The following ESR1 variants were observed in gnomAD, a reference collection of about 807,000 sequenced individuals.
ESR1 encodes estrogen receptor 1.
Under a neutral mutation model 52.7 loss-of-function variants are expected in ESR1, and 12 were observed. The ratio of observed to expected loss-of-function variants is 0.23; its 90% CI spans 0.15 to 0.37. ESR1 has a LOEUF of 0.37. Among genes scored for constraint, ESR1 ranks in the 10% least tolerant of loss-of-function variants. ESR1 has a pLI of 1.00. For missense variants in ESR1, 584 were observed against 779.7 expected (o/e 0.75, Z 2.99); for synonymous variants, 305 against 316.8 (o/e 0.96, Z 0.39).
At chr6:152,023,210 T>C (rs1406115748) in intron 5 of ESR1, among the ~76,000 whole-genome samples, 1 of 152,114 alleles carries the variant, frequency 6.6e-6, no homozygotes, top group East Asian at 1.9e-4. Context: ...AAAAAGGAAC[T>C]ATAAACCAGC....
At chr6:151,878,272 A>C (rs906961391) in intron 2 of ESR1, among the ~76,000 whole-genome samples, 5 of 152,176 alleles carry the variant, frequency 3.3e-5, no homozygotes, top group African/African-American at 1.2e-4. Context: ...TGGTTCTATT[A>C]CTTCTTCAGT....
chr6:151,817,780 A>T (rs889978082), intron 1 of ESR1, among the ~76,000 whole-genome samples: 1 of 152,228 alleles, frequency 6.6e-6, no homozygotes, highest in African/African-American at 2.4e-5. Context: ...TAGATAACTG[A>T]AGGTAATTTA....
intron 1 of ESR1, among the ~76,000 whole-genome samples, chr6:151,665,146 GAATT>G (rs1777775497): frequency 6.6e-6 from 1 of 152,158 alleles, no homozygotes; most frequent in Non-Finnish European, 1.5e-5. Context: ...AGGATTGGTA[GAATT>G]AATATTCTTT....
intron 4 of ESR1, among the ~76,000 whole-genome samples, chr6:151,945,700 A>G (rs1432989497): frequency 2.0e-5 from 3 of 152,224 alleles, no homozygotes; most frequent in Non-Finnish European, 2.9e-5. Flanking sequence ...ATTGTTTCCT[A>G]TGAAGCATGA....
chr6:151,707,029 AG>A (rs1474259785), intron 2 of ESR1, among the ~76,000 whole-genome samples: 3 of 152,158 alleles, frequency 2.0e-5, no homozygotes. Flanking sequence ...CCGTGTGTTT[AG>A]GTTAGTGAGC....
intron 2 of ESR1, among the ~76,000 whole-genome samples, chr6:151,774,131 A>G (rs1007949649): frequency 7.2e-5 from 11 of 152,218 alleles, no homozygotes; most frequent in African/African-American, 2.4e-4. Context: ...AGGTTTGGTC[A>G]GTTTTGACTT....
intron 2 of ESR1, among the ~76,000 whole-genome samples, chr6:151,874,879 T>C (rs1195124315): frequency 6.6e-6 from 1 of 152,278 alleles, no homozygotes; most frequent in East Asian, 1.9e-4. Context: ...TTTAGTAAAA[T>C]CTTGGAATAG....
chr6:152,033,447 GA>G (rs1243680075), intron 5 of ESR1, among the ~76,000 whole-genome samples: 1 of 151,820 alleles, frequency 6.6e-6, no homozygotes, highest in African/African-American at 2.4e-5. Flanking sequence ...AAATTTACAA[GA>G]AAAAAACAAA....
At position 152,065,874 on chromosome 6, in the gene ESR1, A is replaced by G. The variant is rs143219189; in HGVS notation, c.1369+4750A>G. 2.6e-5 allele frequency among the ~76,000 whole-genome samples: 4 copies of G among 152,300 alleles called. No homozygotes were observed. In the East Asian group the frequency reaches 5.8e-4, roughly 22 times the overall value. On this transcript the variant is annotated intron_variant, in intron 6 of 7. Coordinates refer to ENST00000206249, the MANE Select transcript of ESR1 (RefSeq NM_000125.4). Reference sequence around the variant, plus strand: ...ATCCTCAGACAACATTTCTCTTTCAATTGGTGGAATAATAAAGAGGAATAT... The same window carrying G: ...ATCCTCAGACAACATTTCTCTTTCAGTTGGTGGAATAATAAAGAGGAATAT...
Position 151,992,087 on chromosome 6 carries a change from G to C in ESR1, c.1097-19569G>C, listed in dbSNP as rs1168198282. ...GTTTTCTGCTCATTCCAACTCAACAGTGAGCTCTTTGAGGGCAGAAATTGT... is the reference window on the plus strand; with the variant it reads ...GTTTTCTGCTCATTCCAACTCAACACTGAGCTCTTTGAGGGCAGAAATTGT... On this transcript the variant is annotated intron_variant, in intron 4 of 7. Transcript: ENST00000206249. 1.3e-5 allele frequency among the ~76,000 whole-genome samples: 2 copies of C among 152,132 alleles called. 1 individual carries two copies. Among genetic ancestry groups the C allele is most frequent in the South Asian group, 4.1e-4 (2 of 4,828 alleles).
chr6:151,961,519 G>A (rs974695735), intron 4 of ESR1, among the ~76,000 whole-genome samples: 2 of 152,154 alleles, frequency 1.3e-5, no homozygotes, highest in African/African-American at 4.8e-5. Flanking sequence ...GAGGGAGATG[G>A]GGAATGGCTA....
intron 2 of ESR1, among the ~76,000 whole-genome samples, chr6:151,879,690 A>G (rs531776924): frequency 2.0e-5 from 3 of 152,328 alleles, no homozygotes; most frequent in African/African-American, 7.2e-5. Flanking sequence ...GCATTCTCAC[A>G]TTCAATTCTT....
chr6:151,931,357 A>G (rs1176091127), intron 3 of ESR1, among the ~76,000 whole-genome samples: 1 of 151,472 alleles, frequency 6.6e-6, no homozygotes, highest in African/African-American at 2.4e-5. Context: ...CATTTCTAGC[A>G]TTTGCTTTTG....
rs568887402 is a variant in ESR1, at chr6:151,991,452, T to A, written c.1097-20204T>A. The stretch of plus-strand genomic sequence containing the variant: ...TAAGTGCTACAAGGAAAAAAAAAAA[T>A]ACATTTTGAGCCCTCAAGGGGCTCC... On this transcript the variant is annotated intron_variant, in intron 4 of 7. Coordinates refer to ENST00000206249, the MANE Select transcript of ESR1 (RefSeq NM_000125.4). 9.4e-4 allele frequency among the ~76,000 whole-genome samples: 142 copies of A among 151,406 alleles called. 2 individuals carry two copies. The highest frequency in any genetic ancestry group is 6.6e-3 in the East Asian group (34 of 5,148).
rs1778127056 is a variant in ESR1 at position 151,807,809 on chromosome 6, T to G, written c.-104T>G. 1 of 1,047,758 alleles carries G rather than the reference T, an allele frequency of 9.5e-7. No individual in the cohort carries two copies. Among genetic ancestry groups the G allele is most frequent in the Non-Finnish European group, 1.4e-6 (1 of 697,832 alleles). The allele number at this position is 1,047,758 out of a possible 1,614,324, so 64.9% of individuals were successfully genotyped here. ...GCGTGTCGGCGGGACATGCGCTGCGTCGCCTCTAACCTCGGGCTGTGCTCT... is the reference window on the plus strand; with the variant it reads ...GCGTGTCGGCGGGACATGCGCTGCGGCGCCTCTAACCTCGGGCTGTGCTCT... On this transcript the variant is annotated 5_prime_UTR_variant, in exon 1 of 8. Coordinates refer to ENST00000206249, the MANE Select transcript of ESR1 (RefSeq NM_000125.4).
intron 2 of ESR1, among the ~76,000 whole-genome samples, chr6:151,867,714 G>T (rs1790197472): frequency 6.6e-6 from 1 of 152,222 alleles, no homozygotes; most frequent in Non-Finnish European, 1.5e-5. Flanking sequence ...GTGTAAATTA[G>T]TTCAACCATT....
intron 2 of ESR1, among the ~76,000 whole-genome samples, chr6:151,869,906 G>A (rs949460417): frequency 9.9e-5 from 15 of 152,180 alleles, no homozygotes; most frequent in Non-Finnish European, 1.0e-4. Context: ...AATTTGGGAT[G>A]CATTATTAAG....
At chr6:151,774,207 G>C (rs1785762524) in intron 2 of ESR1, among the ~76,000 whole-genome samples, 1 of 152,226 alleles carries the variant, frequency 6.6e-6, no homozygotes, top group Non-Finnish European at 1.5e-5. Flanking sequence ...GGCAACCAAA[G>C]ATGGGGAATG....
downstream of ESR1, among the ~76,000 whole-genome samples, chr6:152,106,172 G>T (rs1478386171): frequency 6.6e-6 from 1 of 152,086 alleles, no homozygotes; most frequent in Non-Finnish European, 1.5e-5. Context: ...GAAAATATTT[G>T]CTCCAATGCA....
Sources: gnomAD v4.1 joint callset for allele counts (sites outside exome capture counted in the v4.1 genomes callset) on GRCh38, gnomAD v4.1.1 for gene constraint, MANE v1.5 for transcripts, NCBI Gene and HGNC (gene_info 2026-07-23, HGNC 2026-07-21) for gene names.